The following TH variants were observed in gnomAD, a reference collection of about 807,000 sequenced individuals.
The protein encoded by TH is tyrosine hydroxylase.
A neutral mutation model predicts 57.4 loss-of-function variants in TH; 49 were observed. That is an observed-to-expected ratio of 0.85 (90% confidence interval 0.68 to 1.08). The LOEUF (loss-of-function observed/expected upper bound fraction) is 1.08. TH is among the 50% of genes least tolerant of loss of function. The pLI is 0.00. For missense variants in TH, 720 were observed against 696.7 expected, an observed-to-expected ratio of 1.03 and a Z score of -0.38; for synonymous variants, 330 against 304.5, an observed-to-expected ratio of 1.08 and a Z score of -0.87.
In TH at chr11:2,166,537, G is replaced by A. The variant is rs760420202; in HGVS notation, c.990C>T (p.His330=). 12 of 1,602,340 alleles carry A rather than the reference G, an allele frequency of 7.5e-6. No individual in the cohort carries two copies. In the Admixed American group the frequency reaches 1.9e-4, roughly 25 times the overall value. The change falls in exon 9 of 13, where the codon CAC becomes CAT. Residue 330 remains histidine (H), a synonymous_variant. Coordinates refer to ENST00000352909, the MANE Select transcript of TH (RefSeq NM_000360.4). ...GCATGGGCACGTGCCCCAGCAGCTC[G>A]TGGCAGCAGTCCCTGCGCGTAGGAG... The part of the protein sequence containing the change: ...PMHSPEPDCC[H]ELLGHVPMLA...
At chr11:2,168,822 C>T in intron 2 of TH, 157 bp from the exon 3 acceptor site, 1 of 970,250 alleles carries the variant, frequency 1.0e-6, no homozygotes, top group Non-Finnish European at 1.6e-6. Context: ...CTTCCAGGCT[C>T]AGGTCAGCTG....
Position 2,169,789 on chromosome 11 carries a change from G to A in TH, c.173C>T (p.Ala58Val), listed in dbSNP as rs747136659. 22 of 1,611,038 alleles carry A rather than the reference G, an allele frequency of 1.4e-5. No individual in the cohort carries two copies. The South Asian group carries it at 2.4e-4, about 18-fold the overall frequency. The change falls in exon 2 of 13, where the codon GCT becomes GTT. Residue 58 changes from alanine to valine, a missense_variant. Transcript: ENST00000352909. Reference sequence around the variant, plus strand: ...GTCCCCGGGCTCCGAGGGGACTGCAGCGGCCGCTGCTGCCACCGCCGCCTC... The same window carrying A: ...GTCCCCGGGCTCCGAGGGGACTGCAACGGCCGCTGCTGCCACCGCCGCCTC... The part of the protein sequence containing the change: ...EREAAVAAAA[A>V]AVPSEPGDPL...
intron 9 of TH, 189 bp from the exon 10 acceptor site, chr11:2,166,247 C>G (rs7483805): frequency 2.3e-6 from 2 of 868,396 alleles, no homozygotes; most frequent in Non-Finnish European, 1.8e-6. Context: ...TCCTTGACCA[C>G]ATTCCTAAGC....
At position 2,166,737 on chromosome 11, in the gene TH, G is replaced by C. The variant is rs1176834491; in HGVS notation, c.873C>G (p.Ala291=). ...GGAAGTCCCGGGCGGACAGCAGGCCGGCCACAGGCCGCAGCTGGAAGCCCG... is the reference window on the plus strand; with the variant it reads ...GGAAGTCCCGGGCGGACAGCAGGCCCGCCACAGGCCGCAGCTGGAAGCCCG... ...ERTGFQLRPV[A]GLLSARDFLA... Residue 291 remains alanine (A), a synonymous_variant, in exon 8 of 13, where the codon GCC becomes GCG. Transcript: ENST00000352909. The C allele has an allele frequency of 6.5e-7, 1 of 1,549,906 alleles. No individual in the cohort carries two copies. The highest frequency in any genetic ancestry group is 8.7e-7 in the Non-Finnish European group (1 of 1,146,812).
intron 5 of TH, 169 bp from the exon 6 acceptor site, chr11:2,167,654 A>C: frequency 9.3e-7 from 1 of 1,072,160 alleles, no homozygotes; most frequent in South Asian, 1.5e-5. Context: ...TGAGCCGGCT[A>C]TGTGGCCTCG....
chr11:2,168,017 C>G (rs1338620595), intron 4 of TH, 74 bp downstream of exon 4: 1 of 1,610,312 alleles, frequency 6.2e-7, no homozygotes, highest in Non-Finnish European at 8.5e-7. Flanking sequence ...CCGACAGACT[C>G]CTGTCCAGGG....
At chr11:2,168,008 C>T (rs368237795) in intron 4 of TH, 75 bp from the exon 5 acceptor site, 29 of 1,609,780 alleles carry the variant, frequency 1.8e-5, no homozygotes, top group East Asian at 1.1e-4. Context: ...CTCCTGGAGC[C>T]GACAGACTCC....
intron 12 of TH, among the ~76,000 whole-genome samples, chr11:2,164,727 G>A (rs2133687647): frequency 6.6e-6 from 1 of 152,274 alleles, no homozygotes; most frequent in South Asian, 2.1e-4. Flanking sequence ...TGGACACATA[G>A]CCCCTGGCCT....
intron 11 of TH, 128 bp from the exon 12 acceptor site, chr11:2,165,493 G>A (rs991359506): frequency 1.3e-5 from 19 of 1,455,706 alleles, no homozygotes; most frequent in African/African-American, 2.8e-5. Flanking sequence ...CCGGGCCTTC[G>A]GAGGCCTGGG....
Position 2,171,615 on chromosome 11 carries a change from G to C in TH, c.90+82C>G. 1 of 1,503,314 alleles carries C rather than the reference G, an allele frequency of 6.7e-7. No individual in the cohort carries two copies. The highest frequency in any genetic ancestry group is 9.1e-7 in the Non-Finnish European group (1 of 1,095,822). 93.1% of individuals were successfully genotyped at this position (1,503,314 alleles called of 1,614,324 possible). A position where few individuals can be genotyped will look rare whatever the true frequency, so the allele number is the denominator to read the frequency against. On this transcript the variant is annotated intron_variant, in intron 1 of 12. Transcript: ENST00000352909. This position sits in a 1 kb window ranked among gnomAD's most constrained non-coding sequence, Gnocchi z 8.6. ...ACCCTGAGCCTGGGGCTGCCAGCCA[G>C]GCTGGGGAGTAGCAGAGGCAGCTGG... is the stretch of plus-strand genomic sequence containing the variant.
At chr11:2,166,290 GGCA>G in intron 9 of TH, 187 bp downstream of exon 9, 1 of 918,700 alleles carries the variant, frequency 1.1e-6, no homozygotes, top group Non-Finnish European at 1.6e-6. Flanking sequence ...GCCGGCAGGT[GGCA>G]GCACAGGCCG....
rs1846109353 is a variant in TH, at chr11:2,166,898, CG to C, written c.829del (p.Arg277AlafsTer3). ...DNIPQLEDVSRFLKERTGFQL... is the reference protein window; with the variant it reads ...DNIPQLEDVSXFLKERTGFQL... ...CCGTCTGGGCACACCCTTCAGGAAGCGGGAGACGTCCTCCAGCTGGGGGATA... is the reference window on the plus strand; with the variant it reads ...CCGTCTGGGCACACCCTTCAGGAAGCGGAGACGTCCTCCAGCTGGGGGATA... On this transcript the variant is annotated frameshift_variant, in exon 7 of 13. Transcript: ENST00000352909. LOFTEE classifies it high-confidence loss of function. 1 of 1,604,936 alleles carries C rather than the reference CG, an allele frequency of 6.2e-7. No homozygotes were observed. The highest frequency in any genetic ancestry group is 1.1e-5 in the South Asian group (1 of 89,336).
In TH at chr11:2,166,875, G is replaced by A. The variant is rs368489295; in HGVS notation, c.841+12C>T. The A allele has an allele frequency of 2.2e-5, 35 of 1,603,708 alleles. No individual in the cohort carries two copies. The highest frequency in any genetic ancestry group is 1.7e-4 in the Middle Eastern group (1 of 6,050). ...GGCCCCCCGGCTCTGCGCCCCTCCC[G>A]TCTGGGCACACCCTTCAGGAAGCGG... On this transcript the variant is annotated intron_variant, in intron 7 of 12. Coordinates refer to ENST00000352909, the MANE Select transcript of TH (RefSeq NM_000360.4).
Position 2,166,970 on chromosome 11 carries a change from T to A in TH, c.758A>T (p.Glu253Val), listed in dbSNP as rs369397659. The A allele has an allele frequency of 5.0e-6, 8 of 1,593,994 alleles. No individual in the cohort carries two copies. The African/African-American group carries it at 8.0e-5, about 16-fold the overall frequency. Residue 253 changes from glutamate (E) to valine (V), a missense_variant, in exon 7 of 13, where the codon GAG becomes GTG. Transcript: ENST00000352909. ...YATHACGEHLEAFALLERFSG... is the reference protein window; with the variant it reads ...YATHACGEHLVAFALLERFSG... ...GAAGCGCTCCAGCAAAGCAAAGGCC[T>A]CCAGGTGCTCCCCGCAGGCGTGCGT...
intron 3 of TH, 95 bp downstream of exon 3, chr11:2,168,396 A>G (rs1846159743): frequency 2.0e-6 from 3 of 1,535,582 alleles, no homozygotes; most frequent in Non-Finnish European, 2.7e-6. Flanking sequence ...CCAGGCCACC[A>G]CCACGTGGTC....
chr11:2,164,568 G>T (rs1246920007), intron 12 of TH, among the ~76,000 whole-genome samples, 176 bp from the exon 13 acceptor site: 1 of 152,106 alleles, frequency 6.6e-6, no homozygotes, highest in Non-Finnish European at 1.5e-5. Context: ...CTGGGTGAGG[G>T]GGTTCATGGG....
chr11:2,166,152 C>T, intron 9 of TH, 94 bp from the exon 10 acceptor site: 1 of 1,377,550 alleles, frequency 7.3e-7, no homozygotes, highest in Non-Finnish European at 1.0e-6. Context: ...CTCCAGGGGT[C>T]TCTGGGACAC....
At chr11:2,164,781 C>A (rs559234265) in intron 12 of TH, among the ~76,000 whole-genome samples, 1 of 152,132 alleles carries the variant, frequency 6.6e-6, no homozygotes, top group Non-Finnish European at 1.5e-5. Context: ...AATGATGAGA[C>A]CTTTTATGAG....
rs1057516716 is a variant in TH, at chr11:2,171,774, C to CG, written c.12dup (p.Asp5ArgfsTer16). 1 of 1,612,004 alleles carries CG rather than the reference C, an allele frequency of 6.2e-7. No homozygotes were observed. Among genetic ancestry groups the CG allele is most frequent in the South Asian group, 1.1e-5 (1 of 91,042 alleles). ...CCCTTGGCCTGTGGCGTGGTGGCGT[C>CG]GGGGGTGGGCATGGCTCAGTGTGGA... On this transcript the variant is annotated frameshift_variant, in exon 1 of 13. Coordinates refer to ENST00000352909, the MANE Select transcript of TH (RefSeq NM_000360.4). LOFTEE classifies it high-confidence loss of function. The surrounding 1 kb of genome is among the most constrained non-coding windows in gnomAD (Gnocchi z 8.6).
Sources: gnomAD v4.1 joint callset for allele counts (sites outside exome capture counted in the v4.1 genomes callset) on GRCh38, gnomAD v4.1.1 for gene constraint, Gnocchi (gnomAD v3.1) non-coding constraint, MANE v1.5 for transcripts, NCBI Gene and HGNC (gene_info 2026-07-23, HGNC 2026-07-21) for gene names.